Variants in PLXNA4 observed in about 807,000 individuals in gnomAD.
PLXNA4 encodes plexin A4, also known as plexin-A4.
Under a neutral mutation model 191.8 loss-of-function variants are expected in PLXNA4, and 44 were observed. The observed-to-expected ratio is 0.23, with a 90% CI of 0.18 to 0.29. The LOEUF is 0.29. Among genes scored for constraint, PLXNA4 ranks in the 10% least tolerant of loss-of-function variants. The pLI is 1.00. For missense variants in PLXNA4, 1,800 were observed against 2,488.8 expected (o/e 0.72, Z 5.89); for synonymous variants, 1,082 against 1,009.5 (o/e 1.07, Z -1.36).
chr7:132,629,807 C>T (rs912537734), intron 2 of PLXNA4, among the ~76,000 whole-genome samples: 1 of 152,148 alleles, frequency 6.6e-6, no homozygotes, highest in Middle Eastern at 3.2e-3. Flanking sequence ...CCTCACATGG[C>T]CTTTCTTCTG....
chr7:132,187,238 T>G (rs538716377), intron 15 of PLXNA4, among the ~76,000 whole-genome samples: 14 of 152,366 alleles, frequency 9.2e-5, no homozygotes, highest in African/African-American at 3.4e-4. Flanking sequence ...GAGACTGATT[T>G]GAATCATACA....
rs190484534 is a variant in PLXNA4, at chr7:132,255,740, A to G, written c.1504-14574T>C. 2.0e-5 allele frequency among the ~76,000 whole-genome samples: 3 copies of G among 152,324 alleles called. No individual in the cohort carries two copies. In the East Asian group the frequency reaches 5.8e-4, roughly 29 times the overall value. On this transcript the variant is annotated intron_variant, in intron 4 of 31. Transcript: ENST00000321063. The stretch of plus-strand genomic sequence containing the variant: ...CCTCCCTATCAATAGGGCTTTGGCC[A>G]CACAGCACAGCCCCAGAACTTTCCA...
chr7:132,560,124 T>G (rs183348794), intron 1 of PLXNA4, among the ~76,000 whole-genome samples: 1 of 152,226 alleles, frequency 6.6e-6, no homozygotes, highest in East Asian at 1.9e-4. Context: ...TTATTCCTAA[T>G]GGGCAAGGTC....
intron 29 of PLXNA4, among the ~76,000 whole-genome samples, chr7:132,144,746 C>T (rs1429748739): frequency 3.3e-5 from 5 of 152,194 alleles, no homozygotes; most frequent in African/African-American, 1.2e-4. Flanking sequence ...GGGGCCATGT[C>T]TGATTAGCCC....
At chr7:132,360,761 G>A (rs1284140360) in intron 3 of PLXNA4, among the ~76,000 whole-genome samples, 1 of 152,174 alleles carries the variant, frequency 6.6e-6, no homozygotes. Context: ...GAGACAGTGG[G>A]TGCTGCCCTC....
Position 132,484,669 on chromosome 7 carries a change from T to G in PLXNA4, c.1371+4623A>C. ...AACCCTGTATCAAATACATATGCCC[T>G]CTGCCCTAACCACATGTTCCTAGTC... is the stretch of plus-strand genomic sequence containing the variant. On this transcript the variant is annotated intron_variant, in intron 3 of 31. Coordinates refer to ENST00000321063, the MANE Select transcript of PLXNA4 (RefSeq NM_020911.2). 5 of 1,352,470 alleles carry G rather than the reference T, an allele frequency of 3.7e-6. No homozygotes were observed. The South Asian group carries it at 7.4e-5, about 20-fold the overall frequency. The allele number at this position is 1,352,470 out of a possible 1,614,324, so 83.8% of individuals were successfully genotyped here.
intron 4 of PLXNA4, among the ~76,000 whole-genome samples, chr7:132,248,142 GC>G (rs1203400042): frequency 6.6e-6 from 1 of 152,170 alleles, no homozygotes; most frequent in East Asian, 1.9e-4. Flanking sequence ...GCTCATCTTT[GC>G]CTTCTGTGCT....
chr7:132,617,295 G>C (rs1394310911), intron 2 of PLXNA4, among the ~76,000 whole-genome samples: 2 of 152,100 alleles, frequency 1.3e-5, no homozygotes, highest in Non-Finnish European at 2.9e-5. Flanking sequence ...TGAGGGATGG[G>C]GTCAGAATGT....
chr7:132,441,889 T>C (rs1237966971), intron 3 of PLXNA4, among the ~76,000 whole-genome samples: 1 of 152,182 alleles, frequency 6.6e-6, no homozygotes, highest in Non-Finnish European at 1.5e-5. Flanking sequence ...CAGAGGTCTG[T>C]TGGGGCTTCA....
intron 2 of PLXNA4, among the ~76,000 whole-genome samples, chr7:132,637,282 C>T (rs534203957): frequency 3.9e-5 from 6 of 152,270 alleles, no homozygotes; most frequent in South Asian, 2.1e-4. Context: ...TTGATCTCAA[C>T]GTGATGGCCC....
At chr7:132,561,640 TCTC>T (rs1475235491) in intron 1 of PLXNA4, among the ~76,000 whole-genome samples, 3 of 65,180 alleles carry the variant, frequency 4.6e-5, no homozygotes, top group African/African-American at 1.2e-4. Flanking sequence ...TCCTCCTCCT[TCTC>T]CTCCTCTTCC....
chr7:132,228,258 C>A (rs1465917285), intron 6 of PLXNA4, 88 bp downstream of exon 6: 1 of 1,565,860 alleles, frequency 6.4e-7, no homozygotes, highest in Non-Finnish European at 8.7e-7. Context: ...CCCAGTCCTC[C>A]AGAGGGGCCT....
intron 2 of PLXNA4, among the ~76,000 whole-genome samples, chr7:132,605,224 A>G (rs1238015316): frequency 1.3e-5 from 2 of 152,228 alleles, no homozygotes; most frequent in Non-Finnish European, 2.9e-5. Flanking sequence ...CGGCAGAGCT[A>G]AGATCCAAAT....
At chr7:132,313,293 G>C (rs1220624172) in intron 3 of PLXNA4, among the ~76,000 whole-genome samples, 1 of 152,230 alleles carries the variant, frequency 6.6e-6, no homozygotes, top group East Asian at 1.9e-4. Flanking sequence ...GGGAGTCTGA[G>C]ACTGGTTTTG....
chr7:132,132,699 G>C (rs1173284038), intron 31 of PLXNA4, among the ~76,000 whole-genome samples: 1 of 151,910 alleles, frequency 6.6e-6, no homozygotes, highest in Non-Finnish European at 1.5e-5. Context: ...CACATAGCCG[G>C]CCCATAGGAG....
chr7:132,238,367 G>C (rs1254770245), intron 5 of PLXNA4, among the ~76,000 whole-genome samples: 1 of 152,088 alleles, frequency 6.6e-6, no homozygotes, highest in Non-Finnish European at 1.5e-5. Context: ...CGACTTTATG[G>C]AACATATCTA....
chr7:132,230,749 C>T (rs541474009), intron 5 of PLXNA4, among the ~76,000 whole-genome samples: 137 of 152,278 alleles, frequency 9.0e-4, no homozygotes, highest in African/African-American at 1.9e-3. Context: ...AGAGCTGGTA[C>T]GGGCTTAAAT....
chr7:132,447,097 T>G (rs2288988), intron 3 of PLXNA4, among the ~76,000 whole-genome samples: 1 of 152,112 alleles, frequency 6.6e-6, no homozygotes, highest in Non-Finnish European at 1.5e-5. Context: ...TCAGCATTGA[T>G]TTTTCTGGCC....
At chr7:132,605,926 G>A (rs1391890934) in intron 2 of PLXNA4, among the ~76,000 whole-genome samples, 3 of 152,174 alleles carry the variant, frequency 2.0e-5, no homozygotes, top group Non-Finnish European at 4.4e-5. Flanking sequence ...CACTTTGGGA[G>A]GCTGAGGCAG....
Sources: gnomAD v4.1 joint callset for allele counts (sites outside exome capture counted in the v4.1 genomes callset) on GRCh38, gnomAD v4.1.1 for gene constraint, MANE v1.5 for transcripts, NCBI Gene and HGNC (gene_info 2026-07-23, HGNC 2026-07-21) for gene names.